The following ZBBX variants were observed in gnomAD, a reference collection of about 807,000 sequenced individuals.
ZBBX encodes zinc finger B-box domain-containing protein 1.
ZBBX carries 101 observed loss-of-function variants against 108.5 expected under a neutral mutation model. The ratio of observed to expected loss-of-function variants is 0.93; its 90% CI spans 0.79 to 1.10. The LOEUF (loss-of-function observed/expected upper bound fraction) is 1.10. Among genes scored for constraint, ZBBX ranks in the 50% least tolerant of loss-of-function variants. The pLI is 0.00. For synonymous variants in ZBBX, 356 were observed against 323.4 expected (o/e 1.10, Z -1.08); for missense variants, 1,009 against 941.4 (o/e 1.07, Z -0.94).
rs752648652 is a variant in ZBBX at position 167,322,156 on chromosome 3, A to G, written c.944T>C (p.Leu315Pro). The change falls in exon 12 of 22, where the codon CTA becomes CCA. Residue 315 changes from leucine (L) to proline (P), a missense_variant. Physicochemically the swap from Leu to Pro is moderately conservative, Grantham distance 98 (BLOSUM62 -3). Transcript: ENST00000675490. The part of the protein sequence containing the change: ...PLNIELKEDI[L>P]SYMEKLWLKK... The stretch of plus-strand genomic sequence containing the variant: ...AAGCCATAATTTTTCCATATAGGAT[A>G]GAATGTCTTCTTTAAGTTCAATATT... The G allele has an allele frequency of 7.0e-7, 1 of 1,428,318 alleles. No homozygotes were observed. Among genetic ancestry groups the G allele is most frequent in the Non-Finnish European group, 9.3e-7 (1 of 1,072,558 alleles). The allele number at this position is 1,428,318 out of a possible 1,614,324, so 88.5% of individuals were successfully genotyped here. A position where few individuals can be genotyped will look rare whatever the true frequency, so the allele number is the denominator to read the frequency against.
chr3:167,395,359 T>G (rs1051005196), intron 1 of ZBBX, among the ~76,000 whole-genome samples: 2 of 152,076 alleles, frequency 1.3e-5, no homozygotes, highest in African/African-American at 4.8e-5. Flanking sequence ...AATACTGGTC[T>G]TTTTATACAG....
intron 17 of ZBBX, among the ~76,000 whole-genome samples, chr3:167,301,262 T>C (rs1458609004): frequency 2.0e-5 from 3 of 152,210 alleles, no homozygotes; most frequent in Non-Finnish European, 4.4e-5. Context: ...GCTATGTAAG[T>C]CACAGCTATC....
chr3:167,351,788 C>A (rs1332647254), intron 8 of ZBBX, among the ~76,000 whole-genome samples: 1 of 152,170 alleles, frequency 6.6e-6, no homozygotes, highest in Non-Finnish European at 1.5e-5. Context: ...GTCTGCAGGG[C>A]TGGGGAGCAA....
chr3:167,357,011 C>T (rs1419318516), intron 8 of ZBBX, among the ~76,000 whole-genome samples: 1 of 151,978 alleles, frequency 6.6e-6, no homozygotes, highest in Non-Finnish European at 1.5e-5. Flanking sequence ...AATAGTGATG[C>T]CTATTAGACA....
At chr3:167,328,169 C>CA in intron 10 of ZBBX, 53 bp from the exon 11 acceptor site, 1 of 1,519,292 alleles carries the variant, frequency 6.6e-7, no homozygotes, top group Non-Finnish European at 8.8e-7. Context: ...TATTTACCCA[C>CA]AAAAATTGTT....
intron 4 of ZBBX, 133 bp from the exon 5 acceptor site, chr3:167,368,707 C>A (rs1745715900): frequency 7.8e-7 from 1 of 1,280,674 alleles, no homozygotes; most frequent in Non-Finnish European, 9.8e-7. Flanking sequence ...TTGTACTTCT[C>A]CGAAATCTGG....
the ZBBX span, among the ~76,000 whole-genome samples, chr3:167,211,187 A>T: frequency 1.2e-4 from 19 of 152,196 alleles, no homozygotes; most frequent in African/African-American, 4.6e-4. Flanking sequence ...GGAAAGTGGT[A>T]AGAGAATGAG....
At chr3:167,304,399 C>T (rs549285212) in intron 17 of ZBBX, among the ~76,000 whole-genome samples, 43 of 152,246 alleles carry the variant, frequency 2.8e-4, no homozygotes, top group Admixed American at 5.9e-4. Flanking sequence ...GTTTTCTCTG[C>T]TGAAATGCAT....
Position 167,305,830 on chromosome 3 carries a change from A to C in ZBBX, c.1538T>G (p.Leu513Ter). Residue 513 changes from leucine (L) to a stop codon, truncating the protein, a stop_gained, in exon 17 of 22, where the codon TTA becomes TGA. Coordinates refer to ENST00000675490, the MANE Select transcript of ZBBX (RefSeq NM_001199201.2). LOFTEE classifies it high-confidence loss of function. The stretch of plus-strand genomic sequence containing the variant: ...ATCATCAGACTTTTGATTACTTTCT[A>C]AACCTATATTTTTCTCCTTTAAATT... ...ERNLKEKNIG[L>*]ESNQKSDDSC... The C allele has an allele frequency of 6.2e-7, 1 of 1,612,106 alleles. No individual in the cohort carries two copies. Among genetic ancestry groups the C allele is most frequent in the Non-Finnish European group, 8.5e-7 (1 of 1,179,124 alleles).
chr3:167,291,523 C>T (rs1156767209), intron 18 of ZBBX, among the ~76,000 whole-genome samples: 2 of 152,130 alleles, frequency 1.3e-5, no homozygotes, highest in South Asian at 4.1e-4. Flanking sequence ...CTTGTCACCA[C>T]CAGGCCTGCC....
chr3:167,401,650 C>G (rs1407180527), intron 1 of ZBBX, among the ~76,000 whole-genome samples: 1 of 152,114 alleles, frequency 6.6e-6, no homozygotes, highest in African/African-American at 2.4e-5. Flanking sequence ...TGAGGACAAC[C>G]AGAGGTCACT....
chr3:167,313,006 A>T (rs1421728115), intron 16 of ZBBX, among the ~76,000 whole-genome samples: 1 of 152,214 alleles, frequency 6.6e-6, no homozygotes, highest in African/African-American at 2.4e-5. Flanking sequence ...AATAGTTAAA[A>T]GGAGGCTTGA....
chr3:167,223,136 T>C, the ZBBX span, among the ~76,000 whole-genome samples: 4 of 151,984 alleles, frequency 2.6e-5, no homozygotes, highest in Non-Finnish European at 5.9e-5. Flanking sequence ...GACCTGTCAG[T>C]CACCTACTTA....
At chr3:167,349,130 G>T (rs1223204371) in intron 9 of ZBBX, among the ~76,000 whole-genome samples, 1 of 152,052 alleles carries the variant, frequency 6.6e-6, no homozygotes. Flanking sequence ...ATGTCTCATT[G>T]TTCTTTGTAT....
chr3:167,315,127 G>A (rs1243327837), intron 15 of ZBBX, among the ~76,000 whole-genome samples: 2 of 152,070 alleles, frequency 1.3e-5, no homozygotes, highest in African/African-American at 4.8e-5. Flanking sequence ...ATACTTGACA[G>A]GAATTCCACT....
chr3:167,358,837 G>A (rs1257751515), intron 8 of ZBBX, among the ~76,000 whole-genome samples: 1 of 151,276 alleles, frequency 6.6e-6, no homozygotes, highest in Non-Finnish European at 1.5e-5. Flanking sequence ...TTGGGAGGCT[G>A]AGGCAGGAGA....
intron 1 of ZBBX, among the ~76,000 whole-genome samples, chr3:167,387,403 A>G (rs1428415143): frequency 6.6e-6 from 1 of 152,086 alleles, no homozygotes; most frequent in Non-Finnish European, 1.5e-5. Flanking sequence ...ACTTCTTAGC[A>G]TAATCTATAA....
rs973095266 is a variant in ZBBX at position 167,379,775 on chromosome 3, G to C, written c.-269C>G. The C allele has an allele frequency of 6.6e-6, 1 of 152,124 alleles. No homozygotes were observed. Among genetic ancestry groups the C allele is most frequent in the Non-Finnish European group, 1.5e-5 (1 of 68,026 alleles). The allele number at this position is 152,124 out of a possible 1,614,324, so 9.4% of individuals were successfully genotyped here. A position where few individuals can be genotyped will look rare whatever the true frequency, so the allele number is the denominator to read the frequency against. On this transcript the variant is annotated 5_prime_UTR_variant, in exon 2 of 22. Transcript: ENST00000675490. ...AAGAAGTAAGTGGGTGCATGTGAACGCGCAGGCAGACTAAAGGCTACAAAA... is the reference window on the plus strand; with the variant it reads ...AAGAAGTAAGTGGGTGCATGTGAACCCGCAGGCAGACTAAAGGCTACAAAA...
chr3:167,186,127 C>T, the ZBBX span, among the ~76,000 whole-genome samples: 1 of 151,784 alleles, frequency 6.6e-6, no homozygotes. Context: ...CTTATACTTA[C>T]TGGTAGATAA....
Sources: allele counts gnomAD v4.1 joint callset (sites outside exome capture counted in the v4.1 genomes callset), GRCh38; gene constraint gnomAD v4.1.1; transcripts MANE v1.5; gene names NCBI Gene and HGNC (gene_info 2026-07-23, HGNC 2026-07-21).